The following ETF1 variants were observed in gnomAD, a reference collection of about 807,000 sequenced individuals.
The protein encoded by ETF1 is eukaryotic peptide chain release factor subunit 1.
Under a neutral mutation model 55.1 loss-of-function variants are expected in ETF1, and 4 were observed. The ratio of observed to expected loss-of-function variants is 0.07; its 90% CI spans 0.04 to 0.17. The LOEUF is 0.17. ETF1 is among the 10% of genes least tolerant of loss of function. ETF1 has a pLI of 1.00. For missense variants in ETF1, 142 were observed against 523.6 expected, an observed-to-expected ratio of 0.27 and a Z score of 7.11; for synonymous variants, 157 against 182.3, an observed-to-expected ratio of 0.86 and a Z score of 1.12.
intron 2 of ETF1, among the ~76,000 whole-genome samples, chr5:138,523,792 C>G (rs1323234449): frequency 6.6e-6 from 1 of 152,094 alleles, no homozygotes; most frequent in East Asian, 1.9e-4. Context: ...AAAGGCTGGG[C>G]GAGGTGGCTC....
Position 138,511,613 on chromosome 5 carries a change from C to CA in ETF1, c.733-10dup, listed in dbSNP as rs552000177. 1.8e-5 allele frequency: 29 copies of CA among 1,582,592 alleles called. No individual in the cohort carries two copies. The highest frequency in any genetic ancestry group is 1.3e-4 in the East Asian group (6 of 44,518). The stretch of plus-strand genomic sequence containing the variant: ...ACTTTTGATTGTAACCTCTAACACA[C>CA]AAAAAAAATATTATTAGTACTTACT... On this transcript the variant is annotated splice_polypyrimidine_tract_variant and intron_variant, in intron 6 of 10. Transcript: ENST00000360541.
At chr5:138,532,770 A>G (rs188572281) in intron 2 of ETF1, among the ~76,000 whole-genome samples, 2 of 152,346 alleles carry the variant, frequency 1.3e-5, no homozygotes, top group East Asian at 3.9e-4. Context: ...GTAATTTATC[A>G]TAAGGGAGAA....
At chr5:138,535,339 T>A (rs1204616860) in intron 2 of ETF1, among the ~76,000 whole-genome samples, 1 of 55,296 alleles carries the variant, frequency 1.8e-5, no homozygotes. Flanking sequence ...AATAATTGGC[T>A]TTTTTTTTTG....
At chr5:138,534,965 C>CTTTTTTT (rs70982719) in intron 2 of ETF1, among the ~76,000 whole-genome samples, 1 of 126,356 alleles carries the variant, frequency 7.9e-6, no homozygotes, top group African/African-American at 3.1e-5. Flanking sequence ...AAACTAGTTT[C>CTTTTTTT]TTTTTTTTTT....
At position 138,510,670 on chromosome 5, in the gene ETF1, A is replaced by G. The variant is rs576212787; in HGVS notation, c.1019-41T>C. 1.9e-6 allele frequency: 3 copies of G among 1,610,962 alleles called. No homozygotes were observed. In the African/African-American group the frequency reaches 4.0e-5, roughly 22 times the overall value. Reference sequence around the variant, plus strand: ...GAAAAAATGTGTTAACCTGGCTCTCATATACTAATCTGTGTAAGCTCCATA... The same window carrying G: ...GAAAAAATGTGTTAACCTGGCTCTCGTATACTAATCTGTGTAAGCTCCATA... On this transcript the variant is annotated intron_variant, in intron 8 of 10. Transcript: ENST00000360541.
At position 138,506,747 on chromosome 5, in the gene ETF1, A is replaced by C. The variant is rs1476214455; in HGVS notation, c.*1558T>G. On this transcript the variant is annotated 3_prime_UTR_variant, in exon 11 of 11. Coordinates refer to ENST00000360541, the MANE Select transcript of ETF1 (RefSeq NM_004730.4). ...CATACTCCCTTCATTCAAGTGAAAC[A>C]GGATTATTGGAACGATAGGCAGGTC... is the stretch of plus-strand genomic sequence containing the variant. 1.3e-5 allele frequency: 2 copies of C among 152,680 alleles called. No homozygotes were observed. Among genetic ancestry groups the C allele is most frequent in the Non-Finnish European group, 2.9e-5 (2 of 68,050 alleles). 9.5% of individuals were successfully genotyped at this position (152,680 alleles called of 1,614,324 possible). A position where few individuals can be genotyped will look rare whatever the true frequency, so the allele number is the denominator to read the frequency against.
chr5:138,530,636 C>G (rs1172934338), intron 2 of ETF1, among the ~76,000 whole-genome samples: 1 of 151,856 alleles, frequency 6.6e-6, no homozygotes, highest in Non-Finnish European at 1.5e-5. Context: ...TGCAGTGGCG[C>G]CATCTCTGAT....
intron 2 of ETF1, among the ~76,000 whole-genome samples, chr5:138,535,536 A>G (rs1367821459): frequency 2.6e-5 from 4 of 151,892 alleles, no homozygotes; most frequent in African/African-American, 9.7e-5. Flanking sequence ...CTTTGCCAAC[A>G]TGGCAAAACT....
intron 2 of ETF1, among the ~76,000 whole-genome samples, chr5:138,536,941 ATGTACTCT>A (rs1398488434): frequency 2.0e-5 from 3 of 152,188 alleles, no homozygotes; most frequent in African/African-American, 7.2e-5. Context: ...TACTCTAATT[ATGTACTCT>A]TGCTTACCTT....
At position 138,513,734 on chromosome 5, in the gene ETF1, G is replaced by A. The variant is rs761149356; in HGVS notation, c.403-28C>T. ...GAAAAGCAAACACAAGTACCACACG[G>A]TGAATCCCAAAGCTTTGCTAAGGTC... is the stretch of plus-strand genomic sequence containing the variant. On this transcript the variant is annotated intron_variant, in intron 4 of 10. Transcript: ENST00000360541. 4.2e-5 allele frequency: 67 copies of A among 1,582,492 alleles called. 1 individual carries two copies. Among genetic ancestry groups the A allele is most frequent in the Non-Finnish European group, 5.5e-5 (63 of 1,155,264 alleles).
At chr5:138,510,503 A>T in intron 9 of ETF1, 62 bp downstream of exon 9, 1 of 1,295,780 alleles carries the variant, frequency 7.7e-7, no homozygotes, top group Non-Finnish European at 1.1e-6. Flanking sequence ...CTACACAGCC[A>T]GTACTCTAAC....
chr5:138,511,274 A>G (rs1764764520), intron 7 of ETF1, 74 bp from the exon 8 acceptor site: 1 of 1,568,240 alleles, frequency 6.4e-7, no homozygotes, highest in South Asian at 1.2e-5. Flanking sequence ...TATTCGACCT[A>G]ATGACTAAAG....
rs769827242 is a variant in ETF1 at position 138,543,204 on chromosome 5, T to A, written c.-126A>T. On this transcript the variant is annotated 5_prime_UTR_variant, in exon 1 of 11. An upstream start codon of the reference 5' UTR is lost. Coordinates refer to ENST00000360541, the MANE Select transcript of ETF1 (RefSeq NM_004730.4). The stretch of plus-strand genomic sequence containing the variant: ...GGCTCCCTCTCTCCAGGCAGCTGCA[T>A]GTGTTGCAATCCGCTCACATGGGGC... 1.1e-5 allele frequency: 6 copies of A among 537,564 alleles called. No individual in the cohort carries two copies. Among genetic ancestry groups the A allele is most frequent in the Non-Finnish European group, 2.0e-5 (6 of 303,518 alleles). 33.3% of individuals were successfully genotyped at this position (537,564 alleles called of 1,614,324 possible). A position where few individuals can be genotyped will look rare whatever the true frequency, so the allele number is the denominator to read the frequency against.
intron 2 of ETF1, chr5:138,541,399 C>T: frequency 3.0e-6 from 2 of 663,878 alleles, no homozygotes; most frequent in Middle Eastern, 2.4e-4. Context: ...ACTAACGTTT[C>T]TCCAGTAAAC....
Position 138,507,278 on chromosome 5 carries a change from C to T in ETF1, c.*1027G>A, listed in dbSNP as rs563991560. Reference sequence around the variant, plus strand: ...GAGGTCAGGAGTTTATAATTACATGCAGTCATACATGTCTGTCGTTCCTGT... The same window carrying T: ...GAGGTCAGGAGTTTATAATTACATGTAGTCATACATGTCTGTCGTTCCTGT... On this transcript the variant is annotated 3_prime_UTR_variant, in exon 11 of 11. Transcript: ENST00000360541. 2.0e-5 allele frequency: 3 copies of T among 152,090 alleles called. No homozygotes were observed. Among genetic ancestry groups the T allele is most frequent in the African/African-American group, 7.2e-5 (3 of 41,398 alleles). 9.4% of individuals were successfully genotyped at this position (152,090 alleles called of 1,614,324 possible).
intron 9 of ETF1, 130 bp downstream of exon 9, chr5:138,510,435 G>A: frequency 3.1e-6 from 1 of 325,698 alleles, no homozygotes; most frequent in Non-Finnish European, 6.3e-6. Context: ...GCAGATAGAT[G>A]ACCACCTCCC....
intron 5 of ETF1, 158 bp from the exon 6 acceptor site, chr5:138,513,112 CAG>C (rs1764880676): frequency 1.0e-6 from 1 of 985,286 alleles, no homozygotes; most frequent in South Asian, 4.7e-5. Context: ...TACTTGTTTT[CAG>C]AGAGCGACTA....
intron 5 of ETF1, 148 bp downstream of exon 5, chr5:138,513,420 G>T: frequency 1.3e-6 from 1 of 775,874 alleles, no homozygotes; most frequent in Non-Finnish European, 2.1e-6. Context: ...GGGCCGGGCT[G>T]GTCTCGAACT....
chr5:138,511,450 A>C (rs372720351), intron 7 of ETF1, 25 bp downstream of exon 7: 26 of 1,612,500 alleles, frequency 1.6e-5, no homozygotes, highest in Non-Finnish European at 2.0e-5. Flanking sequence ...ATTTCACAGA[A>C]TAAGTAGTTG....
Sources: gnomAD v4.1 joint callset for allele counts (sites outside exome capture counted in the v4.1 genomes callset) on GRCh38, gnomAD v4.1.1 for gene constraint, MANE v1.5 for transcripts, NCBI Gene and HGNC (gene_info 2026-07-23, HGNC 2026-07-21) for gene names.